The following MAP7 variants were observed in gnomAD, a reference collection of about 807,000 sequenced individuals.
MAP7 encodes the protein ensconsin.
MAP7 carries 52 observed loss-of-function variants against 94.8 expected under a neutral mutation model. That is an observed-to-expected ratio of 0.55 (90% CI 0.44 to 0.69). The LOEUF is 0.69. Among genes scored for constraint, MAP7 ranks in the 30% least tolerant of loss-of-function variants. The pLI is 0.00. For missense variants in MAP7, 940 were observed against 964.6 expected (o/e 0.97, Z 0.34); for synonymous variants, 350 against 357.0 (o/e 0.98, Z 0.22).
At chr6:136,456,822 G>GAAGAAGAAGAAGGAGAAGAAGAAGAA (rs1554259490) in intron 1 of MAP7, among the ~76,000 whole-genome samples, 1 of 69,024 alleles carries the variant, frequency 1.4e-5, no homozygotes, top group African/African-American at 6.4e-5. Flanking sequence ...AGAAGAAGAA[G>GAAGAAGAAGAAGGAGAAGAAGAAGAA]GAAGAAGAAG....
chr6:136,440,492 C>A (rs1298804317), intron 1 of MAP7, among the ~76,000 whole-genome samples: 1 of 152,110 alleles, frequency 6.6e-6, no homozygotes, highest in Non-Finnish European at 1.5e-5. Context: ...GGAAAAAGAA[C>A]AGGATATGCA....
chr6:136,384,720 A>G (rs1290729709), intron 5 of MAP7, among the ~76,000 whole-genome samples: 1 of 152,140 alleles, frequency 6.6e-6, no homozygotes, highest in Non-Finnish European at 1.5e-5. Context: ...TCCTGGCCTC[A>G]AGTGATACTC....
rs1435667710 is a variant in MAP7 at position 136,550,134 on chromosome 6, G to C, written c.67+208C>G. On this transcript the variant is annotated intron_variant, in intron 1 of 17. Transcript: ENST00000354570. The surrounding 1 kb of genome is among the most constrained non-coding windows in gnomAD (Gnocchi z 5.1). ...GGCGGCCGCAACCCCGGCCGGGGCC[G>C]AGCCGGGCTGGCCGAGCCGCGGCGG... Among the ~76,000 whole-genome samples the C allele has an allele frequency of 6.6e-6, 1 of 150,802 alleles. No homozygotes were observed. Among genetic ancestry groups the C allele is most frequent in the Non-Finnish European group, 1.5e-5 (1 of 67,508 alleles).
At position 136,388,421 on chromosome 6, in the gene MAP7, G is replaced by T; in HGVS notation, c.498C>A (p.Leu166=). Residue 166 remains leucine, a synonymous_variant, in exon 5 of 18, where the codon CTC becomes CTA. Transcript: ENST00000354570. ...KHNRWSWGGS[L]HGSPSIHSAD... The stretch of plus-strand genomic sequence containing the variant: ...CACTGTGGATGCTAGGGCTCCCATG[G>T]AGAGAGCCTCCCCACGACCAACGGT... 11 of 1,614,050 alleles carry T rather than the reference G, an allele frequency of 6.8e-6. No homozygotes were observed. The highest frequency in any genetic ancestry group is 1.1e-5 in the South Asian group (1 of 91,064).
At chr6:136,470,246 C>T (rs990398432) in intron 1 of MAP7, among the ~76,000 whole-genome samples, 7 of 151,764 alleles carry the variant, frequency 4.6e-5, no homozygotes, top group African/African-American at 1.2e-4. Context: ...TTTTGTAAAA[C>T]GGGAACTCTG....
At position 136,544,141 on chromosome 6, in the gene MAP7, C is replaced by T. The variant is rs562949745; in HGVS notation, c.67+6201G>A. Among the ~76,000 whole-genome samples the T allele has an allele frequency of 7.9e-5, 12 of 152,274 alleles. No individual in the cohort carries two copies. In the South Asian group the frequency reaches 2.1e-3, roughly 26 times the overall value. ...TTTGCCATGTTGCCCAGGCTGGTCT[C>T]GAACTCCTGAGCTCAAGCGATCTGC... On this transcript the variant is annotated intron_variant, in intron 1 of 17. Transcript: ENST00000354570.
chr6:136,515,030 T>C (rs1480456610), intron 1 of MAP7, among the ~76,000 whole-genome samples: 15 of 152,242 alleles, frequency 9.9e-5, no homozygotes, highest in Admixed American at 9.8e-4. Flanking sequence ...TGAAACTCTG[T>C]TGTTTAGTGA....
chr6:136,526,095 T>C, intron 1 of MAP7: 1 of 1,398,532 alleles, frequency 7.2e-7, no homozygotes, highest in Non-Finnish European at 9.2e-7. Context: ...ATAGATCCCC[T>C]ATGGGTAAAC....
chr6:136,465,704 G>A (rs924250788), intron 1 of MAP7, among the ~76,000 whole-genome samples: 1 of 152,062 alleles, frequency 6.6e-6, no homozygotes, highest in African/African-American at 2.4e-5. Context: ...GACAAATTCA[G>A]ATCCAACCCC....
intron 1 of MAP7, among the ~76,000 whole-genome samples, chr6:136,440,379 T>A (rs138933089): frequency 1.5e-3 from 221 of 152,018 alleles, no homozygotes; most frequent in African/African-American, 5.1e-3. Flanking sequence ...ATAGGTGACA[T>A]CTGAGCTGGT....
intron 1 of MAP7, among the ~76,000 whole-genome samples, chr6:136,440,303 A>G (rs1797462691): frequency 6.6e-6 from 1 of 152,202 alleles, no homozygotes; most frequent in African/African-American, 2.4e-5. Flanking sequence ...TTAAAACGTA[A>G]TGTAGTAAGT....
intron 1 of MAP7, among the ~76,000 whole-genome samples, chr6:136,544,029 C>A (rs1356411557): frequency 2.6e-5 from 4 of 152,064 alleles, no homozygotes; most frequent in African/African-American, 9.7e-5. Flanking sequence ...TCAAACAATT[C>A]TCCTGCCTCA....
chr6:136,533,553 C>T (rs1025831805), intron 1 of MAP7, among the ~76,000 whole-genome samples: 8 of 152,136 alleles, frequency 5.3e-5, no homozygotes, highest in South Asian at 2.1e-4. Context: ...TGTGTTAGTC[C>T]GTTTTGTGTT....
At chr6:136,501,220 G>C (rs1377227500) in intron 1 of MAP7, among the ~76,000 whole-genome samples, 1 of 152,186 alleles carries the variant, frequency 6.6e-6, no homozygotes, top group Non-Finnish European at 1.5e-5. Flanking sequence ...CAGAGAAGCA[G>C]AACAGTGACC....
At chr6:136,418,403 C>A (rs1356807161) in intron 2 of MAP7, among the ~76,000 whole-genome samples, 2 of 152,164 alleles carry the variant, frequency 1.3e-5, no homozygotes, top group Non-Finnish European at 2.9e-5. Context: ...TTATTACAGA[C>A]AGGGTTTCAC....
rs1013775534 is a variant in MAP7, at chr6:136,526,661, G to A, written c.67+23681C>T. ...CCTCTCAGCGGCAGCGCAGCAGGAT[G>A]GGAGGAGAAAGAGTTTTGCTTGCAC... On this transcript the variant is annotated intron_variant, in intron 1 of 17. Coordinates refer to ENST00000354570, the MANE Select transcript of MAP7 (RefSeq NM_003980.6). 1.2e-5 allele frequency: 12 copies of A among 985,446 alleles called. No individual in the cohort carries two copies. The African/African-American group carries it at 2.1e-4, about 17-fold the overall frequency. The allele number at this position is 985,446 out of a possible 1,614,324, so 61.0% of individuals were successfully genotyped here. A position where few individuals can be genotyped will look rare whatever the true frequency, so the allele number is the denominator to read the frequency against.
At chr6:136,393,798 ATTTTTTTTTTTT>A (rs61666828) in intron 3 of MAP7, among the ~76,000 whole-genome samples, 1 of 84,442 alleles carries the variant, frequency 1.2e-5, no homozygotes, top group African/African-American at 4.4e-5. Flanking sequence ...ATTCAGCAAA[ATTTTTTTTTTTT>A]TTTTTTTTTT....
At chr6:136,537,020 T>G (rs1198834701) in intron 1 of MAP7, among the ~76,000 whole-genome samples, 2 of 152,222 alleles carry the variant, frequency 1.3e-5, no homozygotes, top group Non-Finnish European at 2.9e-5. Flanking sequence ...TCTTGAAGAC[T>G]TACTTGCTAC....
intron 7 of MAP7, 109 bp downstream of exon 7, chr6:136,377,646 C>T (rs886777572): frequency 9.2e-6 from 7 of 758,432 alleles, no homozygotes; most frequent in Admixed American, 2.1e-5. Flanking sequence ...ACATTTCCAC[C>T]GGGGGAAGAG....
Sources: allele counts gnomAD v4.1 joint callset (sites outside exome capture counted in the v4.1 genomes callset), GRCh38; gene constraint gnomAD v4.1.1; non-coding constraint Gnocchi (gnomAD v3.1); transcripts MANE v1.5; gene names NCBI Gene and HGNC (gene_info 2026-07-23, HGNC 2026-07-21).